Variants in BNC2 observed in about 807,000 individuals in gnomAD.
The protein encoded by BNC2 is zinc finger protein basonuclin-2.
Under a neutral mutation model 76.3 loss-of-function variants are expected in BNC2, and 20 were observed. The ratio of observed to expected loss-of-function variants is 0.26; its 90% CI spans 0.18 to 0.38. The LOEUF (loss-of-function observed/expected upper bound fraction) is 0.38, where lower values mean the gene tolerates loss of function less well. Among genes scored for constraint, BNC2 ranks in the 10% least tolerant of loss-of-function variants. BNC2 has a pLI of 1.00. For missense variants in BNC2, 1,382 were observed against 1,399.8 expected (o/e 0.99, Z 0.20); for synonymous variants, 582 against 514.8 (o/e 1.13, Z -1.77).
At chr9:16,689,574 T>G (rs905059236) in intron 3 of BNC2, among the ~76,000 whole-genome samples, 10 of 151,918 alleles carry the variant, frequency 6.6e-5, no homozygotes, top group African/African-American at 2.4e-4. Context: ...AGTGTATGTG[T>G]TTTGGTGGCT....
chr9:16,529,269 G>C (rs936000066), intron 5 of BNC2, among the ~76,000 whole-genome samples: 2 of 152,006 alleles, frequency 1.3e-5, no homozygotes, highest in African/African-American at 4.8e-5. Flanking sequence ...AGTGGAAGTG[G>C]GTAGATATTT....
intron 1 of BNC2, among the ~76,000 whole-genome samples, chr9:16,848,594 G>C (rs766291579): frequency 1.6e-4 from 24 of 152,122 alleles, no homozygotes; most frequent in African/African-American, 4.8e-4. Flanking sequence ...CTTTACACCT[G>C]AAAACAAGGC....
At chr9:16,617,338 C>A (rs1385532845) in intron 3 of BNC2, among the ~76,000 whole-genome samples, 1 of 152,052 alleles carries the variant, frequency 6.6e-6, no homozygotes, top group Non-Finnish European at 1.5e-5. Context: ...TTGAAAACAT[C>A]ATTCTATGAC....
intron 3 of BNC2, among the ~76,000 whole-genome samples, chr9:16,622,528 T>C (rs1204999633): frequency 6.6e-6 from 1 of 152,198 alleles, no homozygotes; most frequent in Admixed American, 6.5e-5. Context: ...GCAATCCATT[T>C]GGTCAGAAGG....
chr9:16,683,170 T>C (rs1261438394), intron 3 of BNC2, among the ~76,000 whole-genome samples: 3 of 152,120 alleles, frequency 2.0e-5, no homozygotes, highest in Non-Finnish European at 4.4e-5. Flanking sequence ...AAACCAAAGA[T>C]ACATTCATTG....
At chr9:16,422,546 A>G (rs1820730613) in intron 6 of BNC2, among the ~76,000 whole-genome samples, 1 of 152,180 alleles carries the variant, frequency 6.6e-6, no homozygotes, top group Non-Finnish European at 1.5e-5. Flanking sequence ...TCAATTCCTA[A>G]TCTATTTCAT....
chr9:16,518,273 A>C (rs1170340599), intron 5 of BNC2, among the ~76,000 whole-genome samples: 1 of 152,090 alleles, frequency 6.6e-6, no homozygotes, highest in Non-Finnish European at 1.5e-5. Flanking sequence ...ATTAAACATA[A>C]AAAATACAAA....
Position 16,596,489 on chromosome 9 carries a change from C to T in BNC2, c.331-13404G>A, listed in dbSNP as rs112844388. Reference sequence around the variant, plus strand: ...ATAGCAACAATGCAAAATGAAAATTCGTATTTTATTTTTACCTCTTTACAC... The same window carrying T: ...ATAGCAACAATGCAAAATGAAAATTTGTATTTTATTTTTACCTCTTTACAC... On this transcript the variant is annotated intron_variant, in intron 3 of 6. Coordinates refer to ENST00000380672, the MANE Select transcript of BNC2 (RefSeq NM_017637.6). 5.9e-3 allele frequency among the ~76,000 whole-genome samples: 905 copies of T among 152,188 alleles called. 6 individuals carry two copies. Among genetic ancestry groups the T allele is most frequent in the African/African-American group, 0.021 (852 of 41,532 alleles).
At chr9:16,766,358 G>A (rs1248384008) in intron 1 of BNC2, among the ~76,000 whole-genome samples, 2 of 152,104 alleles carry the variant, frequency 1.3e-5, no homozygotes, top group Non-Finnish European at 2.9e-5. Context: ...TGAACACGAA[G>A]AGCATTCGCA....
chr9:16,768,937 CAGTGG>C (rs1464180746), intron 1 of BNC2, among the ~76,000 whole-genome samples: 1 of 152,068 alleles, frequency 6.6e-6, no homozygotes, highest in Non-Finnish European at 1.5e-5. Flanking sequence ...ATGGCGCAGA[CAGTGG>C]CAGGAGAATA....
At chr9:16,853,379 C>A (rs1819175206) in intron 1 of BNC2, among the ~76,000 whole-genome samples, 1 of 148,948 alleles carries the variant, frequency 6.7e-6, no homozygotes, top group Non-Finnish European at 1.5e-5. Context: ...GCACTCCAGC[C>A]TGAGTGATGA....
intron 1 of BNC2, among the ~76,000 whole-genome samples, chr9:16,769,959 G>A (rs1167604119): frequency 6.6e-6 from 1 of 152,106 alleles, no homozygotes; most frequent in South Asian, 2.1e-4. Flanking sequence ...CCCAGGCCTT[G>A]GGAAATTTAC....
At chr9:16,546,000 T>C (rs1818470693) in intron 5 of BNC2, among the ~76,000 whole-genome samples, 1 of 152,234 alleles carries the variant, frequency 6.6e-6, no homozygotes. Context: ...CAGGATGTAC[T>C]TACTAAAACA....
intron 1 of BNC2, among the ~76,000 whole-genome samples, chr9:16,842,566 T>C (rs189692711): frequency 3.3e-5 from 5 of 152,306 alleles, no homozygotes; most frequent in Admixed American, 3.3e-4. Context: ...GTGTTGATGG[T>C]TCCACAGCCT....
chr9:16,575,913 A>C (rs1010095926), intron 4 of BNC2, among the ~76,000 whole-genome samples: 7 of 152,218 alleles, frequency 4.6e-5, no homozygotes, highest in African/African-American at 1.7e-4. Context: ...ATCTGGAAAA[A>C]CTAAGTCCAC....
Position 16,550,668 on chromosome 9 carries a change from C to T in BNC2, c.669+1862G>A, listed in dbSNP as rs142686901. ...TACAATGTATATGCTTGTGTCTCTG[C>T]GTAGGTATACAGGTGTAAGTATCTT... On this transcript the variant is annotated intron_variant, in intron 5 of 6. Coordinates refer to ENST00000380672, the MANE Select transcript of BNC2 (RefSeq NM_017637.6). Among the ~76,000 whole-genome samples, 9 of 152,240 alleles carry T rather than the reference C, an allele frequency of 5.9e-5. No homozygotes were observed. In the East Asian group the frequency reaches 9.7e-4, roughly 16 times the overall value.
chr9:16,665,538 CTT>C (rs1822265633), intron 3 of BNC2, among the ~76,000 whole-genome samples: 1 of 152,016 alleles, frequency 6.6e-6, no homozygotes, highest in African/African-American at 2.4e-5. Flanking sequence ...CCTGTAAATT[CTT>C]TGAGGTTGAG....
chr9:16,549,785 T>TA (rs1184943900), intron 5 of BNC2, among the ~76,000 whole-genome samples: 2 of 152,154 alleles, frequency 1.3e-5, no homozygotes, highest in Non-Finnish European at 2.9e-5. Context: ...AGAACTGTTT[T>TA]AACAAAGAAC....
At chr9:16,789,503 G>A (rs924156553) in intron 1 of BNC2, among the ~76,000 whole-genome samples, 2 of 152,062 alleles carry the variant, frequency 1.3e-5, no homozygotes, top group African/African-American at 4.8e-5. Flanking sequence ...AAAATGTCCT[G>A]TGCTTTCCAT....
Sources: allele counts gnomAD v4.1 joint callset (sites outside exome capture counted in the v4.1 genomes callset), GRCh38; gene constraint gnomAD v4.1.1; transcripts MANE v1.5; gene names NCBI Gene and HGNC (gene_info 2026-07-23, HGNC 2026-07-21).